RGS6: variants seen among roughly 807,000 people sequenced by gnomAD.
RGS6 encodes the protein regulator of G protein signaling 6, also known as regulator of G-protein signaling 6.
Under a neutral mutation model 78.5 loss-of-function variants are expected in RGS6, and 30 were observed. That is an observed-to-expected ratio of 0.38 (90% CI 0.29 to 0.52). The LOEUF (loss-of-function observed/expected upper bound fraction) is 0.52, where lower values mean the gene tolerates loss of function less well. RGS6 is among the 20% of genes least tolerant of loss of function. The pLI, the probability that RGS6 is intolerant of heterozygous loss-of-function variation, is 0.85. For missense variants in RGS6, 495 were observed against 609.7 expected (o/e 0.81, Z 1.98); for synonymous variants, 206 against 206.0 (o/e 1.00, Z 0.00).
chr14:72,199,002 T>A (rs1158505311), intron 2 of RGS6, among the ~76,000 whole-genome samples: 5 of 152,220 alleles, frequency 3.3e-5, no homozygotes, highest in African/African-American at 1.2e-4. Flanking sequence ...GACTGGGGTG[T>A]CCAAATGCAT....
Position 72,413,127 on chromosome 14 carries a change from A to G in RGS6, c.185-41401A>G, listed in dbSNP as rs959487382. The stretch of plus-strand genomic sequence containing the variant: ...AGTTCAATTCCTGGATATCCTTGTT[A>G]ACTTTCTGTCTCGTTGATCTGTCTA... On this transcript the variant is annotated intron_variant, in intron 3 of 17. Coordinates refer to ENST00000553525, the MANE Select transcript of RGS6 (RefSeq NM_001204424.2). Among the ~76,000 whole-genome samples the G allele has an allele frequency of 6.0e-4, 91 of 152,162 alleles. 1 individual carries two copies. Among genetic ancestry groups the G allele is most frequent in the African/African-American group, 1.9e-3 (80 of 41,536 alleles).
Position 72,458,279 on chromosome 14 carries a change from A to G in RGS6, c.244A>G (p.Ile82Val). The change falls in exon 5 of 18, where the codon ATA becomes GTA. Residue 82 changes from isoleucine (I) to valine (V), a missense_variant. Physicochemically the swap from Ile to Val is conservative, Grantham distance 29 (BLOSUM62 3). Transcript: ENST00000553525. Reference protein sequence around the residue: ...NLSIEDPVEAIHLGSLIAAQG... With the variant: ...NLSIEDPVEAVHLGSLIAAQG... The stretch of plus-strand genomic sequence containing the variant: ...ATGCACTGTTCTTACAGTTGAAGCA[A>G]TACACTTGGGGAGCCTTATCGCTGC... 1 of 1,613,288 alleles carries G rather than the reference A, an allele frequency of 6.2e-7. No individual in the cohort carries two copies. The highest frequency in any genetic ancestry group is 8.5e-7 in the Non-Finnish European group (1 of 1,179,296).
At chr14:72,608,553 T>G in the RGS6 span, among the ~76,000 whole-genome samples, 2 of 152,046 alleles carry the variant, frequency 1.3e-5, no homozygotes, top group Non-Finnish European at 2.9e-5. Flanking sequence ...CCCCCACCTC[T>G]CCTGTGAGTC....
intron 2 of RGS6, among the ~76,000 whole-genome samples, chr14:72,128,939 A>G (rs942668827): frequency 6.6e-6 from 1 of 152,188 alleles, no homozygotes; most frequent in African/African-American, 2.4e-5. Context: ...TGATTCACAG[A>G]ATGTCTGTAG....
Position 72,017,865 on chromosome 14 carries a change from G to A in RGS6, c.84+52990G>A, listed in dbSNP as rs1386204580. On this transcript the variant is annotated intron_variant, in intron 2 of 17. Coordinates refer to ENST00000553525, the MANE Select transcript of RGS6 (RefSeq NM_001204424.2). ...TAAATGTGTGCCATGGTGGTTTGCT[G>A]CACACATCATCCTATCGCCTAGGTA... is the stretch of plus-strand genomic sequence containing the variant. 2.0e-5 allele frequency among the ~76,000 whole-genome samples: 3 copies of A among 152,000 alleles called. No individual in the cohort carries two copies. In the East Asian group the frequency reaches 5.8e-4, roughly 29 times the overall value.
rs189185155 is a variant in RGS6, at chr14:72,073,177, T to C, written c.84+108302T>C. On this transcript the variant is annotated intron_variant, in intron 2 of 17. Coordinates refer to ENST00000553525, the MANE Select transcript of RGS6 (RefSeq NM_001204424.2). Reference sequence around the variant, plus strand: ...AAATGGGGATGAATGATAAAAATACTGTCTGCATCTCAGAGCATTGTTATG... The same window carrying C: ...AAATGGGGATGAATGATAAAAATACCGTCTGCATCTCAGAGCATTGTTATG... Among the ~76,000 whole-genome samples the C allele has an allele frequency of 5.9e-5, 9 of 152,364 alleles. No individual in the cohort carries two copies. In the East Asian group the frequency reaches 1.5e-3, roughly 26 times the overall value.
chr14:72,479,326 G>A (rs565010399), intron 12 of RGS6, among the ~76,000 whole-genome samples: 18 of 152,298 alleles, frequency 1.2e-4, no homozygotes, highest in Admixed American at 4.6e-4. Context: ...TTGGGCTCAC[G>A]TCTTTATTCC....
chr14:71,957,420 A>G (rs1401678119), intron 1 of RGS6, among the ~76,000 whole-genome samples: 1 of 151,364 alleles, frequency 6.6e-6, no homozygotes, highest in Non-Finnish European at 1.5e-5. Context: ...CTTCAGATAT[A>G]TGACGTGAGG....
chr14:72,598,563 C>T, the RGS6 span, among the ~76,000 whole-genome samples: 4 of 152,218 alleles, frequency 2.6e-5, no homozygotes, highest in African/African-American at 9.6e-5. Context: ...CGGCTGGGGA[C>T]CACTTTCATC....
the RGS6 span, among the ~76,000 whole-genome samples, chr14:72,594,535 A>G: frequency 6.6e-6 from 1 of 152,094 alleles, no homozygotes; most frequent in Non-Finnish European, 1.5e-5. Context: ...CTGCACCCCT[A>G]TCATTAGGCT....
At chr14:72,150,258 A>T (rs1394991860) in intron 2 of RGS6, among the ~76,000 whole-genome samples, 1 of 152,158 alleles carries the variant, frequency 6.6e-6, no homozygotes, top group Non-Finnish European at 1.5e-5. Flanking sequence ...TGCATCTAGA[A>T]CCAAGGAATG....
chr14:72,167,208 G>A (rs1026639604), intron 2 of RGS6, among the ~76,000 whole-genome samples: 2 of 152,206 alleles, frequency 1.3e-5, no homozygotes, highest in African/African-American at 2.4e-5. Flanking sequence ...CCCTTAGGAC[G>A]GTTGGACTGG....
At chr14:72,547,175 C>G in intron 17 of RGS6, 1 of 1,534,814 alleles carries the variant, frequency 6.5e-7, no homozygotes, top group East Asian at 2.4e-5. Flanking sequence ...CTGCCTCAGT[C>G]CTGTCCGGGG....
chr14:71,912,702 C>T, the RGS6 span, among the ~76,000 whole-genome samples: 1 of 152,230 alleles, frequency 6.6e-6, no homozygotes. Context: ...ACCACTCCAA[C>T]TGGACAGAGG....
chr14:71,910,847 C>T, the RGS6 span, among the ~76,000 whole-genome samples: 1 of 152,176 alleles, frequency 6.6e-6, no homozygotes, highest in Non-Finnish European at 1.5e-5. Flanking sequence ...TTTGGGAAAA[C>T]ATGAGATCCC....
chr14:72,154,377 A>T lies in RGS6; in HGVS notation c.84+189502A>T, dbSNP rs112081318. Among the ~76,000 whole-genome samples the T allele has an allele frequency of 3.4e-3, 523 of 152,302 alleles. 1 individual carries two copies. The highest frequency in any genetic ancestry group is 0.012 in the African/African-American group (504 of 41,560). On this transcript the variant is annotated intron_variant, in intron 2 of 17. Transcript: ENST00000553525. ...CTCCTCAGCTTATGAAGATAACGGTATTAAGAGATTAAAGTAAAGACAGGT... is the reference window on the plus strand; with the variant it reads ...CTCCTCAGCTTATGAAGATAACGGTTTTAAGAGATTAAAGTAAAGACAGGT...
chr14:72,524,684 A>T (rs2097096900), intron 15 of RGS6, among the ~76,000 whole-genome samples: 1 of 152,182 alleles, frequency 6.6e-6, no homozygotes, highest in South Asian at 2.1e-4. Context: ...GCGGCATAAT[A>T]TTCTGTGCAG....
chr14:72,590,407 GAATAAACA>G, the RGS6 span, among the ~76,000 whole-genome samples: 1 of 152,196 alleles, frequency 6.6e-6, no homozygotes, highest in Non-Finnish European at 1.5e-5. Context: ...ACAGGTGAAT[GAATAAACA>G]AATTGTGGCT....
the RGS6 span, among the ~76,000 whole-genome samples, chr14:72,629,204 G>A: frequency 1.3e-5 from 2 of 152,140 alleles, no homozygotes; most frequent in African/African-American, 2.4e-5. Context: ...ATATTATGAC[G>A]GAGACTATGG....
Sources: allele counts gnomAD v4.1 joint callset (sites outside exome capture counted in the v4.1 genomes callset), GRCh38; gene constraint gnomAD v4.1.1; transcripts MANE v1.5; gene names NCBI Gene and HGNC (gene_info 2026-07-23, HGNC 2026-07-21).